The following CADM2 variants were observed in gnomAD, a reference collection of about 807,000 sequenced individuals.
CADM2 encodes cell adhesion molecule 2.
A neutral mutation model predicts 49.8 loss-of-function variants in CADM2; 12 were observed. That is an observed-to-expected ratio of 0.24 (90% CI 0.15 to 0.39). CADM2 has a LOEUF of 0.39. Ranked by LOEUF, CADM2 falls within the 10% of genes least tolerant of loss-of-function variation. The pLI, the probability that CADM2 is intolerant of heterozygous loss-of-function variation, is 1.00. For synonymous variants in CADM2, 214 were observed against 175.4 expected, an observed-to-expected ratio of 1.22 and a Z score of -1.74; for missense variants, 378 against 492.3, an observed-to-expected ratio of 0.77 and a Z score of 2.20.
intron 1 of CADM2, among the ~76,000 whole-genome samples, chr3:85,365,176 G>T (rs960847136): frequency 7.4e-6 from 1 of 134,696 alleles, no homozygotes; most frequent in African/African-American, 2.8e-5. Flanking sequence ...GTCAAGAATT[G>T]GGAGGGTTTT....
intron 3 of CADM2, among the ~76,000 whole-genome samples, chr3:85,876,042 T>C (rs1357717758): frequency 6.6e-6 from 1 of 152,052 alleles, no homozygotes; most frequent in Non-Finnish European, 1.5e-5. Context: ...TGACACCCCG[T>C]GGTTGTTGAA....
At chr3:85,884,471 A>G (rs1713270710) in intron 4 of CADM2, among the ~76,000 whole-genome samples, 1 of 152,184 alleles carries the variant, frequency 6.6e-6, no homozygotes, top group South Asian at 2.1e-4. Context: ...TCTAAAATGG[A>G]GTATTTCAGG....
intron 1 of CADM2, among the ~76,000 whole-genome samples, chr3:85,408,981 C>T (rs954446720): frequency 6.6e-6 from 1 of 152,134 alleles, no homozygotes; most frequent in Non-Finnish European, 1.5e-5. Context: ...TTTGCAAGCT[C>T]TCCAGAAGTC....
At chr3:85,493,190 G>A (rs1259099941) in intron 1 of CADM2, among the ~76,000 whole-genome samples, 2 of 152,016 alleles carry the variant, frequency 1.3e-5, no homozygotes, top group East Asian at 1.9e-4. Context: ...ACAGAATAAA[G>A]CAGCTTAGAT....
intron 1 of CADM2, among the ~76,000 whole-genome samples, chr3:85,064,643 C>T (rs2036459076): frequency 6.6e-6 from 1 of 152,018 alleles, no homozygotes; most frequent in Admixed American, 6.6e-5. Context: ...TCTTAAAGAA[C>T]AGCTTTTCTA....
chr3:85,234,932 C>G (rs17022605), intron 1 of CADM2, among the ~76,000 whole-genome samples: 10,069 of 152,072 alleles, frequency 0.066, 1,097 homozygotes, highest in African/African-American at 0.23. Context: ...TAACAGAGCT[C>G]TTTGTATGTG....
At chr3:85,811,519 A>G (rs550710922) in intron 3 of CADM2, among the ~76,000 whole-genome samples, 1 of 152,314 alleles carries the variant, frequency 6.6e-6, no homozygotes, top group South Asian at 2.1e-4. Flanking sequence ...TGAGAAGCCT[A>G]TTTCATGTTG....
intron 2 of CADM2, among the ~76,000 whole-genome samples, chr3:85,763,571 T>C (rs1160274089): frequency 6.6e-6 from 1 of 152,170 alleles, no homozygotes; most frequent in Non-Finnish European, 1.5e-5. Context: ...CTTAGAAACA[T>C]TTCTTACAGC....
At chr3:85,346,446 A>G (rs2030656181) in intron 1 of CADM2, among the ~76,000 whole-genome samples, 1 of 152,336 alleles carries the variant, frequency 6.6e-6, no homozygotes. Flanking sequence ...TTTCAAAAAA[A>G]TCTTTAATAG....
chr3:84,986,678 C>T (rs1385187213), intron 1 of CADM2, among the ~76,000 whole-genome samples: 1 of 151,622 alleles, frequency 6.6e-6, no homozygotes, highest in East Asian at 1.9e-4. Context: ...GGGTGCAGCA[C>T]ACCAGCATGG....
At chr3:85,511,061 A>G (rs2040593515) in intron 1 of CADM2, among the ~76,000 whole-genome samples, 1 of 152,044 alleles carries the variant, frequency 6.6e-6, no homozygotes, top group African/African-American at 2.4e-5. Flanking sequence ...TACTCAACTA[A>G]TATTTCACAC....
At chr3:85,851,291 G>T (rs1377771148) in intron 3 of CADM2, among the ~76,000 whole-genome samples, 3 of 152,070 alleles carry the variant, frequency 2.0e-5, no homozygotes, top group Non-Finnish European at 2.9e-5. Context: ...AGCATAAGAA[G>T]GTGAAGATCT....
chr3:85,342,967 A>G lies in CADM2; in HGVS notation c.61+383299A>G, dbSNP rs534199157. 2.0e-5 allele frequency among the ~76,000 whole-genome samples: 3 copies of G among 152,332 alleles called. No homozygotes were observed. The East Asian group carries it at 5.8e-4, about 29-fold the overall frequency. Reference sequence around the variant, plus strand: ...ATGTTCAGGTCTTAAATTAGTATTAATGTCTAATACATGAGTTTTGCTTTT... The same window carrying G: ...ATGTTCAGGTCTTAAATTAGTATTAGTGTCTAATACATGAGTTTTGCTTTT... On this transcript the variant is annotated intron_variant, in intron 1 of 9. Coordinates refer to ENST00000383699, the MANE Select transcript of CADM2 (RefSeq NM_001167675.2).
intron 1 of CADM2, among the ~76,000 whole-genome samples, chr3:85,224,261 A>G (rs1395801426): frequency 1.3e-5 from 2 of 152,094 alleles, no homozygotes; most frequent in Non-Finnish European, 2.9e-5. Context: ...CCTTTCCAAC[A>G]TCTGTCGTTT....
At chr3:85,927,764 T>G (rs1341772899) in intron 6 of CADM2, among the ~76,000 whole-genome samples, 1 of 152,180 alleles carries the variant, frequency 6.6e-6, no homozygotes, top group Non-Finnish European at 1.5e-5. Flanking sequence ...CCATAACAGG[T>G]TAAGTGTTGA....
At chr3:84,982,753 AT>A (rs200438042) in intron 1 of CADM2, among the ~76,000 whole-genome samples, 6,118 of 68,686 alleles carry the variant, frequency 0.089, 575 homozygotes, top group African/African-American at 0.29. Context: ...TGTTTTTTTA[AT>A]TTTTTTTTTG....
At chr3:85,459,587 T>A (rs908920020) in intron 1 of CADM2, among the ~76,000 whole-genome samples, 3 of 152,240 alleles carry the variant, frequency 2.0e-5, no homozygotes, top group Non-Finnish European at 4.4e-5. Flanking sequence ...AACCAGATGC[T>A]GAAATAAACT....
intron 5 of CADM2, among the ~76,000 whole-genome samples, chr3:85,893,373 G>A (rs1230146499): frequency 1.3e-5 from 2 of 152,134 alleles, no homozygotes; most frequent in South Asian, 4.1e-4. Flanking sequence ...TTAAATGTTA[G>A]ACCTAAAACC....
chr3:85,104,267 G>A (rs1312691932), intron 1 of CADM2, among the ~76,000 whole-genome samples: 1 of 150,974 alleles, frequency 6.6e-6, no homozygotes, highest in Admixed American at 6.6e-5. Flanking sequence ...TCTACATATG[G>A]CTAGCCAGTT....
Sources: gnomAD v4.1 joint callset for allele counts (sites outside exome capture counted in the v4.1 genomes callset) on GRCh38, gnomAD v4.1.1 for gene constraint, MANE v1.5 for transcripts, NCBI Gene and HGNC (gene_info 2026-07-23, HGNC 2026-07-21) for gene names.